The following B3GALNT2 variants were observed in gnomAD, a reference collection of about 807,000 sequenced individuals.
B3GALNT2 encodes the protein UDP-GalNAc:beta-1,3-N-acetylgalactosaminyltransferase 2.
Under a neutral mutation model 61.1 loss-of-function variants are expected in B3GALNT2, and 53 were observed. That is an observed-to-expected ratio of 0.87 (90% CI 0.70 to 1.09). B3GALNT2 has a LOEUF of 1.09. Ranked by LOEUF, B3GALNT2 falls within the 50% of genes least tolerant of loss-of-function variation. The pLI is 0.00. For missense variants in B3GALNT2, 544 were observed against 623.0 expected, an observed-to-expected ratio of 0.87 and a Z score of 1.35; for synonymous variants, 223 against 237.4, an observed-to-expected ratio of 0.94 and a Z score of 0.56.
rs1396957640 is a variant in B3GALNT2, at chr1:235,449,850, C to CT, written c.*355_*356insA. 1 of 190,256 alleles carries CT rather than the reference C, an allele frequency of 5.3e-6. No individual in the cohort carries two copies. Among genetic ancestry groups the CT allele is most frequent in the Non-Finnish European group, 1.1e-5 (1 of 90,302 alleles). 11.8% of individuals were successfully genotyped at this position (190,256 alleles called of 1,614,324 possible). On this transcript the variant is annotated 3_prime_UTR_variant, in exon 12 of 12. Coordinates refer to ENST00000366600, the MANE Select transcript of B3GALNT2 (RefSeq NM_152490.5). ...AAATTCAAACTCTCAGTTACTACTACAGATTTCTGAACTAGGCCAAGTTTT... is the reference window on the plus strand; with the variant it reads ...AAATTCAAACTCTCAGTTACTACTACTAGATTTCTGAACTAGGCCAAGTTTT...
In B3GALNT2 at chr1:235,470,832, T is replaced by TAA. The variant is rs555883725; in HGVS notation, c.762+16_762+17dup. Reference sequence around the variant, plus strand: ...GAAGCTAAAATATGCAATTAAACCTTAAAAAAAAACGACTTACTGTAATGA... The same window carrying TAA: ...GAAGCTAAAATATGCAATTAAACCTTAAAAAAAAAAACGACTTACTGTAATGA... On this transcript the variant is annotated intron_variant, in intron 6 of 11. Transcript: ENST00000366600. 7.7e-6 allele frequency: 12 copies of TAA among 1,551,164 alleles called. No individual in the cohort carries two copies. In the Admixed American group the frequency reaches 1.4e-4, roughly 18 times the overall value.
intron 2 of B3GALNT2, among the ~76,000 whole-genome samples, chr1:235,490,451 G>A (rs746439774): frequency 1.3e-5 from 2 of 152,058 alleles, no homozygotes; most frequent in Non-Finnish European, 2.9e-5. Context: ...GGCTGGTCTC[G>A]AACTCTTGGC....
At chr1:235,478,562 AT>A (rs748188703) in intron 5 of B3GALNT2, among the ~76,000 whole-genome samples, 6 of 152,204 alleles carry the variant, frequency 3.9e-5, no homozygotes, top group Non-Finnish European at 5.9e-5. Flanking sequence ...CGACCCAACA[AT>A]TCATCCTAAG....
chr1:235,477,253 T>C (rs572719504), intron 5 of B3GALNT2, among the ~76,000 whole-genome samples: 120 of 152,256 alleles, frequency 7.9e-4, no homozygotes, highest in African/African-American at 2.9e-3. Context: ...TCACCTAGAC[T>C]CACCAACTGT....
intron 1 of B3GALNT2, among the ~76,000 whole-genome samples, chr1:235,503,792 C>A (rs1685693599): frequency 6.6e-6 from 1 of 152,176 alleles, no homozygotes; most frequent in Admixed American, 6.5e-5. Context: ...GCAGAAAGCG[C>A]TGGCGGCTGA....
chr1:235,443,327 C>T (rs761523010), downstream of B3GALNT2, among the ~76,000 whole-genome samples: 3 of 152,034 alleles, frequency 2.0e-5, no homozygotes, highest in Non-Finnish European at 2.9e-5. Context: ...TCAGCCTCCA[C>T]GTAGCTGGGA....
chr1:235,469,647 G>A (rs1184671802), intron 6 of B3GALNT2, among the ~76,000 whole-genome samples: 1 of 151,860 alleles, frequency 6.6e-6, no homozygotes, highest in East Asian at 1.9e-4. Context: ...CCACCTCTGG[G>A]GTTCAAGCAA....
At chr1:235,488,722 GAT>G (rs1415179434) in intron 3 of B3GALNT2, among the ~76,000 whole-genome samples, 1 of 83,812 alleles carries the variant, frequency 1.2e-5, no homozygotes, top group African/African-American at 4.2e-5. Context: ...AAAAAAAAAA[GAT>G]GAGACATAAA....
intron 1 of B3GALNT2, among the ~76,000 whole-genome samples, chr1:235,498,651 G>C (rs1343837460): frequency 6.6e-6 from 1 of 151,908 alleles, no homozygotes; most frequent in Non-Finnish European, 1.5e-5. Flanking sequence ...GACCAGCCTG[G>C]CCAATATGGT....
intron 1 of B3GALNT2, chr1:235,496,358 A>AT: frequency 1.0e-6 from 1 of 969,896 alleles, no homozygotes; most frequent in Non-Finnish European, 1.3e-6. Context: ...GGTATTTATT[A>AT]TTTCACTCTA....
chr1:235,461,402 C>A (rs1193574157), intron 7 of B3GALNT2, among the ~76,000 whole-genome samples: 9 of 152,000 alleles, frequency 5.9e-5, no homozygotes, highest in Non-Finnish European at 1.3e-4. Flanking sequence ...TCCTTCTGCA[C>A]CTGCTCCCAG....
chr1:235,491,139 C>G (rs1317370372), intron 2 of B3GALNT2, among the ~76,000 whole-genome samples: 1 of 150,900 alleles, frequency 6.6e-6, no homozygotes, highest in African/African-American at 2.4e-5. Context: ...AAAACTATTA[C>G]CTGATACAGC....
chr1:235,458,883 C>A, intron 7 of B3GALNT2, 97 bp from the exon 8 acceptor site: 1 of 1,093,474 alleles, frequency 9.1e-7, no homozygotes, highest in Non-Finnish European at 1.2e-6. Flanking sequence ...CAAGGTAACC[C>A]AGCAGAAACA....
At chr1:235,440,187 G>A in the B3GALNT2 span, among the ~76,000 whole-genome samples, 2 of 152,212 alleles carry the variant, frequency 1.3e-5, no homozygotes, top group Non-Finnish European at 2.9e-5. Flanking sequence ...AGCCAGGATG[G>A]TCTCGATCTC....
At chr1:235,452,019 G>GTT in intron 11 of B3GALNT2, 3 of 149,932 alleles carry the variant, frequency 2.0e-5, no homozygotes, top group South Asian at 2.1e-4. Context: ...CTGTCGTTCA[G>GTT]TTTTTTTTTT....
Position 235,448,397 on chromosome 1 carries a change from A to G in B3GALNT2, c.*1809T>C. ...AAGGGATTGCTGTCACGTCTTCTCA[A>G]AGTTCCTGTGTCAGACCTTCTGTTG... On this transcript the variant is annotated 3_prime_UTR_variant, in exon 12 of 12. Transcript: ENST00000366600. 1.2e-6 allele frequency: 2 copies of G among 1,614,170 alleles called. No individual in the cohort carries two copies. The highest frequency in any genetic ancestry group is 8.5e-7 in the Non-Finnish European group (1 of 1,180,030).
intron 7 of B3GALNT2, among the ~76,000 whole-genome samples, chr1:235,460,521 C>T (rs1311554084): frequency 1.3e-5 from 2 of 148,900 alleles, no homozygotes; most frequent in Non-Finnish European, 3.0e-5. Flanking sequence ...TAATTCTGAG[C>T]ACTGGGTACC....
chr1:235,479,924 G>C, intron 5 of B3GALNT2, 130 bp downstream of exon 5: 2 of 1,425,272 alleles, frequency 1.4e-6, no homozygotes, highest in Middle Eastern at 1.8e-4. Context: ...ATCCACAGTT[G>C]GTACCTTCAT....
In B3GALNT2 at chr1:235,484,417, G is replaced by T; in HGVS notation, c.460C>A (p.Pro154Thr). 6.2e-7 allele frequency: 1 copy of T among 1,614,160 alleles called. No individual in the cohort carries two copies. The highest frequency in any genetic ancestry group is 8.5e-7 in the Non-Finnish European group (1 of 1,180,038). Reference sequence around the variant, plus strand: ...ACTCCAAGACTGGTAATAACGATGGGGTAGAGAACTCGGAAACTCACGCTG... The same window carrying T: ...ACTCCAAGACTGGTAATAACGATGGTGTAGAGAACTCGGAAACTCACGCTG... ...VVSVSFRVLYPIVITSLGVFY... is the reference protein window; with the variant it reads ...VVSVSFRVLYTIVITSLGVFY... The change falls in exon 4 of 12, where the codon CCC becomes ACC. Residue 154 changes from proline to threonine, a missense_variant. By Grantham distance (38) the Pro-to-Thr change is conservative. Transcript: ENST00000366600.
Sources: gnomAD v4.1 joint callset for allele counts (sites outside exome capture counted in the v4.1 genomes callset) on GRCh38, gnomAD v4.1.1 for gene constraint, MANE v1.5 for transcripts, NCBI Gene and HGNC (gene_info 2026-07-23, HGNC 2026-07-21) for gene names.